SDF2L1: variants seen among roughly 807,000 people sequenced by gnomAD.
The protein encoded by SDF2L1 is stromal cell derived factor 2 like 1.
SDF2L1 carries 18 observed loss-of-function variants against 19.4 expected under a neutral mutation model. The observed-to-expected ratio is 0.93, with a 90% CI of 0.64 to 1.38. SDF2L1 has a LOEUF of 1.38. SDF2L1 is among the 40% of genes most tolerant of loss of function. The pLI, the probability that SDF2L1 is intolerant of heterozygous loss-of-function variation, is 0.00. For synonymous variants in SDF2L1, 161 were observed against 148.9 expected (o/e 1.08, Z -0.59); for missense variants, 263 against 319.4 (o/e 0.82, Z 1.35).
At chr22:21,643,287 C>G (rs1445498875) in intron 2 of SDF2L1, 1 of 598,378 alleles carries the variant, frequency 1.7e-6, no homozygotes, top group Admixed American at 3.2e-5. Context: ...CGGAGAGATA[C>G]GCCTGGATAG....
intron 2 of SDF2L1, 137 bp from the exon 3 acceptor site, chr22:21,643,757 C>T (rs1013042341): frequency 9.5e-5 from 76 of 796,190 alleles, no homozygotes; most frequent in African/African-American, 3.1e-4. Context: ...GTTGCGGGGG[C>T]GGGTCATGGT....
chr22:21,643,650 G>A (rs147756886), intron 2 of SDF2L1, among the ~76,000 whole-genome samples: 9 of 152,286 alleles, frequency 5.9e-5, no homozygotes, highest in South Asian at 2.1e-4. Flanking sequence ...TGGAGGAGGA[G>A]GCCTTAGCTC....
At chr22:21,643,147 T>A in intron 2 of SDF2L1, 89 bp downstream of exon 2, 1 of 1,438,838 alleles carries the variant, frequency 7.0e-7, no homozygotes, top group Non-Finnish European at 9.4e-7. Flanking sequence ...AGCCTCAGCT[T>A]CTTCGTGAAA....
chr22:21,643,764 TG>T, intron 2 of SDF2L1, 129 bp from the exon 3 acceptor site: 1 of 909,406 alleles, frequency 1.1e-6, no homozygotes, highest in Non-Finnish European at 1.6e-6. Flanking sequence ...GGGCGGGTCA[TG>T]GTGTCACCTT....
intron 2 of SDF2L1, among the ~76,000 whole-genome samples, 198 bp from the exon 3 acceptor site, chr22:21,643,679 CTGCACAGACAGATGCAA>C (rs2066098709): frequency 6.6e-6 from 1 of 152,150 alleles, no homozygotes; most frequent in Non-Finnish European, 1.5e-5. Flanking sequence ...CCAGTGGTCT[CTGCACAGACAGATGCAA>C]TGGTGTGTGC....
In SDF2L1 at chr22:21,644,037, G is replaced by C. The variant is rs374617514; in HGVS notation, c.528G>C (p.Glu176Asp). The C allele has an allele frequency of 6.2e-7, 1 of 1,614,200 alleles. No individual in the cohort carries two copies. The highest frequency in any genetic ancestry group is 8.5e-7 in the Non-Finnish European group (1 of 1,180,042). The change falls in exon 3 of 3, where the codon GAG becomes GAC. Residue 176 changes from glutamate to aspartate, a missense_variant. This residue lies in a region of SDF2L1 where 203 missense variants were observed against 256.9 expected (regional missense o/e 0.79). Transcript: ENST00000248958. Reference sequence around the variant, plus strand: ...CTGTGTTCCTGTCAGTCACGGGTGAGCAGTATGGAAGCCCCATCCGTGGGC... The same window carrying C: ...CTGTGTTCCTGTCAGTCACGGGTGACCAGTATGGAAGCCCCATCCGTGGGC... ...GTSVFLSVTG[E>D]QYGSPIRGQH... is the part of the protein sequence containing the mutation.
At position 21,642,839 on chromosome 22, in the gene SDF2L1, G is replaced by A. The variant is rs191132526; in HGVS notation, c.188-23G>A. On this transcript the variant is annotated intron_variant, in intron 1 of 2. Transcript: ENST00000248958. ...GTTCCGCGATTGACGGAGACCCTGG[G>A]TGTGTGGGGTGTCACTCCTCAGGCA... The A allele has an allele frequency of 8.2e-3, 12,944 of 1,579,582 alleles. 80 individuals carry two copies. Among genetic ancestry groups the A allele is most frequent in the Non-Finnish European group, 9.8e-3 (11,436 of 1,165,114 alleles).
rs2066094769 is a variant in SDF2L1, at chr22:21,643,188, G to A, written c.384+130G>A. ...ATTTCACTTCAGAGATGGTTACTGA[G>A]CGCCCCCTCGGGGGACACAGAGTAA... On this transcript the variant is annotated intron_variant, in intron 2 of 2. Coordinates refer to ENST00000248958, the MANE Select transcript of SDF2L1 (RefSeq NM_022044.3). The A allele has an allele frequency of 4.2e-6, 5 of 1,183,146 alleles. No individual in the cohort carries two copies. In the South Asian group the frequency reaches 7.7e-5, roughly 18 times the overall value. The allele number at this position is 1,183,146 out of a possible 1,614,324, so 73.3% of individuals were successfully genotyped here.
chr22:21,643,845 A>T, intron 2 of SDF2L1, 49 bp from the exon 3 acceptor site: 1 of 1,557,312 alleles, frequency 6.4e-7, no homozygotes. Context: ...CTAGGTGCGA[A>T]TGCCGCCTTC....
intron 1 of SDF2L1, 108 bp downstream of exon 1, chr22:21,642,631 C>T: frequency 2.2e-6 from 3 of 1,360,216 alleles, no homozygotes; most frequent in South Asian, 2.8e-5. Context: ...AGCCGGGCGG[C>T]GGGGGCTCTA....
In SDF2L1 at chr22:21,644,268, T is replaced by G; in HGVS notation, c.*93T>G. 7.4e-7 allele frequency: 1 copy of G among 1,356,652 alleles called. No individual in the cohort carries two copies. Among genetic ancestry groups the G allele is most frequent in the Non-Finnish European group, 1.0e-6 (1 of 972,402 alleles). 84.0% of individuals were successfully genotyped at this position (1,356,652 alleles called of 1,614,324 possible). ...CTTTGGGTTTGTAGGGGTCCTCAAG[T>G]GCCTTTGTGATTAAAGAATGTTGGT... On this transcript the variant is annotated 3_prime_UTR_variant, in exon 3 of 3. Transcript: ENST00000248958.
In SDF2L1 at chr22:21,642,310, C is replaced by A; in HGVS notation, c.-27C>A. ...GCGGGGACGGAAGCGGCCCCTGGGC[C>A]CGAGGGGCTGGAGCCGGGCCGGGGC... On this transcript the variant is annotated 5_prime_UTR_variant, in exon 1 of 3. Transcript: ENST00000248958. 1 of 1,316,590 alleles carries A rather than the reference C, an allele frequency of 7.6e-7. No homozygotes were observed. The highest frequency in any genetic ancestry group is 9.6e-7 in the Non-Finnish European group (1 of 1,039,664). 81.6% of individuals were successfully genotyped at this position (1,316,590 alleles called of 1,614,324 possible). A position where few individuals can be genotyped will look rare whatever the true frequency, so the allele number is the denominator to read the frequency against.
chr22:21,642,918 T>A lies in SDF2L1; in HGVS notation c.244T>A (p.Trp82Arg). 6.3e-7 allele frequency: 1 copy of A among 1,589,974 alleles called. No individual in the cohort carries two copies. ...GGCGTCGGACGACGCCAATAGCTACTGGCGGATCCGCGGCGGCTCGGAGGG... is the reference window on the plus strand; with the variant it reads ...GGCGTCGGACGACGCCAATAGCTACAGGCGGATCCGCGGCGGCTCGGAGGG... ...VEASDDANSY[W>R]RIRGGSEGGC... The change falls in exon 2 of 3, where the codon TGG becomes AGG. Residue 82 changes from tryptophan to arginine, a missense_variant. By Grantham distance (101) the Trp-to-Arg change is moderately radical. Coordinates refer to ENST00000248958, the MANE Select transcript of SDF2L1 (RefSeq NM_022044.3).
rs772324529 is a variant in SDF2L1 at position 21,642,992 on chromosome 22, C to T, written c.318C>T (p.Leu106=). The T allele has an allele frequency of 8.9e-6, 14 of 1,566,062 alleles. No individual in the cohort carries two copies. The highest frequency in any genetic ancestry group is 9.5e-6 in the Non-Finnish European group (11 of 1,156,702). The change falls in exon 2 of 3, where the codon CTC becomes CTT. Residue 106 remains leucine (L), a synonymous_variant. Transcript: ENST00000248958. ...SPVRCGQAVR[L]THVLTGKNLH... ...TGCGCTGCGGGCAGGCGGTGAGGCTCACGCATGTGCTTACGGGCAAGAACC... is the reference window on the plus strand; with the variant it reads ...TGCGCTGCGGGCAGGCGGTGAGGCTTACGCATGTGCTTACGGGCAAGAACC...
rs539100832 is a variant in SDF2L1 at position 21,643,985 on chromosome 22, C to A, written c.476C>A (p.Ala159Asp). 3.1e-6 allele frequency: 5 copies of A among 1,614,186 alleles called. No homozygotes were observed. The African/African-American group carries it at 6.7e-5, about 22-fold the overall frequency. Residue 159 changes from alanine to aspartate, a missense_variant, in exon 3 of 3, where the codon GCT becomes GAT. By Grantham distance (126) the Ala-to-Asp change is moderately radical. This residue lies in a region of SDF2L1 where 203 missense variants were observed against 256.9 expected (regional missense o/e 0.79). Coordinates refer to ENST00000248958, the MANE Select transcript of SDF2L1 (RefSeq NM_022044.3). ...GGACAGCACTGGGAGCGTGAGGCTG[C>A]TGTGCGCTTCCAGCATGTGGGCACC... ...CSGQHWEREAAVRFQHVGTSV... is the reference protein window; with the variant it reads ...CSGQHWEREADVRFQHVGTSV...
chr22:21,642,895 C>G lies in SDF2L1; in HGVS notation c.221C>G (p.Ala74Gly), dbSNP rs2066091234. Residue 74 changes from alanine to glycine, a missense_variant, in exon 2 of 3, where the codon GCG becomes GGG. This residue lies in a region of SDF2L1 where 203 missense variants were observed against 256.9 expected (regional missense o/e 0.79). Coordinates refer to ENST00000248958, the MANE Select transcript of SDF2L1 (RefSeq NM_022044.3). Reference protein sequence around the residue: ...SGQQSVTGVEASDDANSYWRI... With the variant: ...SGQQSVTGVEGSDDANSYWRI... Reference sequence around the variant, plus strand: ...CAGCAATCGGTGACCGGCGTAGAGGCGTCGGACGACGCCAATAGCTACTGG... The same window carrying G: ...CAGCAATCGGTGACCGGCGTAGAGGGGTCGGACGACGCCAATAGCTACTGG... 8 of 1,595,810 alleles carry G rather than the reference C, an allele frequency of 5.0e-6. No homozygotes were observed. Among genetic ancestry groups the G allele is most frequent in the Non-Finnish European group, 6.8e-6 (8 of 1,173,122 alleles).
chr22:21,642,317 G>C lies in SDF2L1; in HGVS notation c.-20G>C. 7.5e-7 allele frequency: 1 copy of C among 1,337,750 alleles called. No homozygotes were observed. Among genetic ancestry groups the C allele is most frequent in the African/African-American group, 1.5e-5 (1 of 64,694 alleles). 82.9% of individuals were successfully genotyped at this position (1,337,750 alleles called of 1,614,324 possible). On this transcript the variant is annotated 5_prime_UTR_variant, in exon 1 of 3. Coordinates refer to ENST00000248958, the MANE Select transcript of SDF2L1 (RefSeq NM_022044.3). ...CGGAAGCGGCCCCTGGGCCCGAGGGGCTGGAGCCGGGCCGGGGCGATGTGG... is the reference window on the plus strand; with the variant it reads ...CGGAAGCGGCCCCTGGGCCCGAGGGCCTGGAGCCGGGCCGGGGCGATGTGG...
In SDF2L1 at chr22:21,642,393, G is replaced by T; in HGVS notation, c.57G>T (p.Leu19=). ...AAWPVLLGLL[L]ALLVPGGGAA... is the part of the protein sequence containing the mutation. ...GGCCGGTGCTGTTGGGGCTGCTGCT[G>T]GCGCTGTTAGTGCCGGGCGGTGGTG... The change falls in exon 1 of 3, where the codon CTG becomes CTT. Residue 19 remains leucine, a synonymous_variant. Transcript: ENST00000248958. The T allele has an allele frequency of 1.4e-6, 2 of 1,449,024 alleles. No individual in the cohort carries two copies. The highest frequency in any genetic ancestry group is 1.8e-6 in the Non-Finnish European group (2 of 1,111,168). The allele number at this position is 1,449,024 out of a possible 1,614,324, so 89.8% of individuals were successfully genotyped here.
Position 21,644,201 on chromosome 22 carries a change from G to A in SDF2L1, c.*26G>A. ...GTGTGTGGATGGATGGGTGGATGGA[G>A]GGTGGCAGGTGGGGCGTCTGCAGGG... On this transcript the variant is annotated 3_prime_UTR_variant, in exon 3 of 3. Coordinates refer to ENST00000248958, the MANE Select transcript of SDF2L1 (RefSeq NM_022044.3). 4.4e-6 allele frequency: 7 copies of A among 1,606,926 alleles called. No homozygotes were observed. Among genetic ancestry groups the A allele is most frequent in the Non-Finnish European group, 5.1e-6 (6 of 1,174,254 alleles).
Sources: gnomAD v4.1 joint callset for allele counts (sites outside exome capture counted in the v4.1 genomes callset) on GRCh38, gnomAD v4.1.1 for gene constraint, gnomAD v4.1.1 regional missense constraint, MANE v1.5 for transcripts, NCBI Gene and HGNC (gene_info 2026-07-23, HGNC 2026-07-21) for gene names.